KSR2: variants seen among roughly 807,000 people sequenced by gnomAD.
KSR2 encodes the protein kinase suppressor of ras 2.
In KSR2, 25 loss-of-function variants were observed where a neutral mutation model predicts 107.8. The ratio of observed to expected loss-of-function variants is 0.23; its 90% CI spans 0.17 to 0.32. The LOEUF (loss-of-function observed/expected upper bound fraction) is 0.32, where lower values mean the gene tolerates loss of function less well. Ranked by LOEUF, KSR2 falls within the 10% of genes least tolerant of loss-of-function variation. The probability of loss-of-function intolerance (pLI) is 1.00; values close to 1 mark genes in which losing one functional copy is unlikely to be tolerated. For synonymous variants in KSR2, 480 were observed against 507.0 expected (o/e 0.95, Z 0.71); for missense variants, 887 against 1,268.9 (o/e 0.70, Z 4.57).
chr12:117,921,661 A>G (rs1423168383), intron 1 of KSR2, among the ~76,000 whole-genome samples: 1 of 152,186 alleles, frequency 6.6e-6, no homozygotes, highest in Admixed American at 6.5e-5. Context: ...AGATGTTGAT[A>G]CTACCCCCTC....
chr12:117,893,633 T>C (rs1894414999), intron 1 of KSR2, among the ~76,000 whole-genome samples: 1 of 152,122 alleles, frequency 6.6e-6, no homozygotes, highest in Non-Finnish European at 1.5e-5. Flanking sequence ...CCACTCCAAA[T>C]GAACTGTTGT....
At chr12:117,854,171 AT>A (rs1008448062) in intron 3 of KSR2, among the ~76,000 whole-genome samples, 1 of 151,870 alleles carries the variant, frequency 6.6e-6, no homozygotes, top group African/African-American at 2.4e-5. Context: ...CACATGGCAC[AT>A]TTTTTTGTAT....
intron 19 of KSR2, among the ~76,000 whole-genome samples, chr12:117,468,956 T>C (rs528599576): frequency 7.2e-5 from 11 of 152,242 alleles, no homozygotes; most frequent in Middle Eastern, 3.4e-3. Flanking sequence ...GTGCCAACCA[T>C]GAATACCTGG....
intron 5 of KSR2, among the ~76,000 whole-genome samples, chr12:117,659,321 T>C (rs1884323134): frequency 6.6e-6 from 1 of 152,184 alleles, no homozygotes; most frequent in South Asian, 2.1e-4. Flanking sequence ...CAAACTGTTT[T>C]TGCTAGGGCA....
In KSR2 at chr12:117,453,561, T is replaced by C. The variant is rs184752486; in HGVS notation, c.*13638A>G. The stretch of plus-strand genomic sequence containing the variant: ...TATAATATTTATAGGTCTATATACT[T>C]TGTGTATAGAAAAAGATAACAGCAT... On this transcript the variant is annotated 3_prime_UTR_variant, in exon 20 of 20. Coordinates refer to ENST00000339824, the MANE Select transcript of KSR2 (RefSeq NM_173598.6). 2 of 152,136 alleles carry C rather than the reference T, an allele frequency of 1.3e-5. No homozygotes were observed. Among genetic ancestry groups the C allele is most frequent in the Non-Finnish European group, 1.5e-5 (1 of 67,996 alleles). The allele number at this position is 152,136 out of a possible 1,614,324, so 9.4% of individuals were successfully genotyped here.
chr12:117,714,046 G>T (rs1353756485), intron 4 of KSR2, among the ~76,000 whole-genome samples: 1 of 151,826 alleles, frequency 6.6e-6, no homozygotes, highest in Non-Finnish European at 1.5e-5. Context: ...TTTCTTTCCT[G>T]ATTTGGGGGC....
intron 4 of KSR2, among the ~76,000 whole-genome samples, chr12:117,736,055 C>G (rs1480249487): frequency 6.6e-6 from 1 of 152,178 alleles, no homozygotes; most frequent in Admixed American, 6.5e-5. Flanking sequence ...GTCAGCCTTA[C>G]ACACACCAGA....
chr12:117,472,329 G>C (rs915255068), intron 17 of KSR2, among the ~76,000 whole-genome samples: 5 of 152,156 alleles, frequency 3.3e-5, no homozygotes, highest in Admixed American at 2.6e-4. Context: ...TGCCATGAAG[G>C]GGGTGATGGG....
chr12:117,961,007 C>A (rs1467901795), intron 1 of KSR2, among the ~76,000 whole-genome samples: 1 of 152,050 alleles, frequency 6.6e-6, no homozygotes, highest in African/African-American at 2.4e-5. Context: ...CCACATTGTC[C>A]AGACTGGTCT....
At chr12:117,704,683 C>T (rs1203254365) in intron 4 of KSR2, among the ~76,000 whole-genome samples, 1 of 152,080 alleles carries the variant, frequency 6.6e-6, no homozygotes, top group East Asian at 1.9e-4. Flanking sequence ...CACAGTGAAA[C>T]CCCATCTCTA....
At chr12:117,501,584 G>C (rs958183920) in intron 14 of KSR2, among the ~76,000 whole-genome samples, 2 of 152,220 alleles carry the variant, frequency 1.3e-5, no homozygotes, top group African/African-American at 4.8e-5. Context: ...TGGTGGGCAG[G>C]CACATATTAC....
intron 3 of KSR2, among the ~76,000 whole-genome samples, chr12:117,820,755 G>A (rs568031450): frequency 1.3e-5 from 2 of 151,556 alleles, no homozygotes; most frequent in East Asian, 3.9e-4. Flanking sequence ...GTCAGAGTCA[G>A]TGTGAAAAAA....
intron 5 of KSR2, among the ~76,000 whole-genome samples, chr12:117,647,564 G>A (rs1883707449): frequency 6.6e-6 from 1 of 152,132 alleles, no homozygotes; most frequent in Admixed American, 6.5e-5. Context: ...TGACAAAGAG[G>A]TAAATCCCCA....
chr12:117,470,207 TCCA>T, intron 18 of KSR2, among the ~76,000 whole-genome samples: 1 of 148,880 alleles, frequency 6.7e-6, no homozygotes, highest in African/African-American at 2.5e-5. Context: ...CATCCATCCA[TCCA>T]TCCATCCATC....
intron 5 of KSR2, among the ~76,000 whole-genome samples, chr12:117,634,045 C>T (rs935826313): frequency 6.6e-6 from 1 of 152,218 alleles, no homozygotes; most frequent in Non-Finnish European, 1.5e-5. Context: ...TAAAGGCGGA[C>T]GCTGTGTCTG....
chr12:117,841,510 G>A (rs377064885), intron 3 of KSR2, among the ~76,000 whole-genome samples: 3 of 152,218 alleles, frequency 2.0e-5, no homozygotes, highest in East Asian at 1.9e-4. Flanking sequence ...TAAAACTGAA[G>A]GTGCTCTGCA....
intron 1 of KSR2, among the ~76,000 whole-genome samples, chr12:117,959,528 C>A (rs1896602917): frequency 6.6e-6 from 1 of 152,178 alleles, no homozygotes; most frequent in South Asian, 2.1e-4. Flanking sequence ...TAACTACCAA[C>A]TTGTCTCCCT....
chr12:117,600,003 CCA>C (rs1366423046), intron 5 of KSR2, among the ~76,000 whole-genome samples: 1 of 152,160 alleles, frequency 6.6e-6, no homozygotes, highest in East Asian at 1.9e-4. Context: ...GGTCAAGCTG[CCA>C]CAGGTTCTAC....
intron 14 of KSR2, among the ~76,000 whole-genome samples, chr12:117,504,376 G>A (rs181408544): frequency 9.8e-5 from 15 of 152,300 alleles, no homozygotes; most frequent in African/African-American, 3.6e-4. Flanking sequence ...CAAAATATAA[G>A]TTTGTGCCAA....
Sources: allele counts gnomAD v4.1 joint callset (sites outside exome capture counted in the v4.1 genomes callset), GRCh38; gene constraint gnomAD v4.1.1; transcripts MANE v1.5; gene names NCBI Gene and HGNC (gene_info 2026-07-23, HGNC 2026-07-21).